Variants in TENM1 observed in about 807,000 individuals in gnomAD.
The protein encoded by TENM1 is teneurin-1.
TENM1 carries 35 observed loss-of-function variants against 174.8 expected under a neutral mutation model. The observed-to-expected ratio is 0.20, with a 90% CI of 0.15 to 0.27. The LOEUF (loss-of-function observed/expected upper bound fraction) is 0.27, where lower values mean the gene tolerates loss of function less well. Among genes scored for constraint, TENM1 ranks in the 10% least tolerant of loss-of-function variants. TENM1 has a pLI of 1.00. For missense variants in TENM1, 1,633 were observed against 2,130.1 expected, an observed-to-expected ratio of 0.77 and a Z score of 4.59; for synonymous variants, 781 against 798.7, an observed-to-expected ratio of 0.98 and a Z score of 0.37.
At chrX:124,467,609 C>T (rs2061253381) in intron 22 of TENM1, among the ~76,000 whole-genome samples, 1 of 111,979 alleles carries the variant, frequency 8.9e-6, no homozygotes, top group Non-Finnish European at 1.9e-5. Flanking sequence ...ATGTTGGTAC[C>T]TGTGCGTTAC....
the TENM1 span, among the ~76,000 whole-genome samples, chrX:125,068,061 T>G: frequency 1.8e-5 from 2 of 111,796 alleles, no homozygotes; most frequent in Non-Finnish European, 3.8e-5. Context: ...GACAAACTAA[T>G]AATAAGCCAC....
rs1046572951 is a variant in TENM1 at position 124,422,648 on chromosome X, G to A, written c.4105-10C>T. 33 of 1,198,471 alleles carry A rather than the reference G, an allele frequency of 2.8e-5. No individual in the cohort carries two copies. Among genetic ancestry groups the A allele is most frequent in the Non-Finnish European group, 3.0e-5 (27 of 887,700 alleles). On this transcript the variant is annotated splice_polypyrimidine_tract_variant and intron_variant, in intron 23 of 31. Coordinates refer to ENST00000422452, the Ensembl canonical transcript of TENM1. ...GCCACTCTAATCGCACCTGTGAAAC[G>A]AACAGAACACATACCATTAGGTTAC...
At chrX:124,529,404 G>A (rs1417379563) in intron 16 of TENM1, among the ~76,000 whole-genome samples, 1 of 111,707 alleles carries the variant, frequency 9.0e-6, no homozygotes, top group Non-Finnish European at 1.9e-5. Context: ...TCTATCAGTT[G>A]CAGCCAATAG....
the TENM1 span, among the ~76,000 whole-genome samples, chrX:125,080,266 T>C: frequency 8.9e-6 from 1 of 111,812 alleles, no homozygotes; most frequent in African/African-American, 3.2e-5. Context: ...TTTCAAAGTA[T>C]AGAATGCCTG....
At chrX:124,429,767 G>A (rs2060757371) in intron 23 of TENM1, among the ~76,000 whole-genome samples, 1 of 111,762 alleles carries the variant, frequency 8.9e-6, no homozygotes, top group African/African-American at 3.3e-5. Flanking sequence ...GTCAGGTGGT[G>A]CCAGTCCTGT....
intron 6 of TENM1, among the ~76,000 whole-genome samples, chrX:124,656,040 T>C (rs1056139975): frequency 8.9e-6 from 1 of 112,429 alleles, no homozygotes; most frequent in Admixed American, 9.4e-5. Context: ...CATTAGGGGC[T>C]TTTATCAATC....
rs916105649 is a variant in TENM1 at position 124,822,135 on chromosome X, C to T, written c.535+72161G>A. 2.7e-5 allele frequency among the ~76,000 whole-genome samples: 3 copies of T among 112,400 alleles called. No homozygotes were observed. In the Admixed American group the frequency reaches 2.8e-4, roughly 11 times the overall value. On this transcript the variant is annotated intron_variant, in intron 3 of 31. Transcript: ENST00000422452. ...GTGCTCACCAATGGAAGCCTTAACA[C>T]ATCACAAGTATACTCCTAACACTTT...
At chrX:124,994,973 CCT>C in the TENM1 span, among the ~76,000 whole-genome samples, 1 of 110,913 alleles carries the variant, frequency 9.0e-6, no homozygotes, top group East Asian at 2.8e-4. Flanking sequence ...CAATCTAGCC[CCT>C]GTTGATGCCT....
At chrX:124,755,931 T>C (rs1178461169) in intron 3 of TENM1, among the ~76,000 whole-genome samples, 2 of 103,210 alleles carry the variant, frequency 1.9e-5, no homozygotes, top group African/African-American at 8.0e-5. Context: ...ATTTTTTCCT[T>C]CATTTCAACT....
At chrX:125,101,928 A>G in the TENM1 span, among the ~76,000 whole-genome samples, 1 of 112,055 alleles carries the variant, frequency 8.9e-6, no homozygotes, top group African/African-American at 3.3e-5. Context: ...TAAGCAGTGC[A>G]GGTTGTAAGC....
chrX:124,986,744 C>T, the TENM1 span, among the ~76,000 whole-genome samples: 1 of 111,107 alleles, frequency 9.0e-6, no homozygotes, highest in African/African-American at 3.3e-5. Context: ...CGGGTCCAAG[C>T]AATTCTCCTG....
rs185295140 is a variant in TENM1, at chrX:124,870,845, T to C, written c.535+23451A>G. 8.1e-5 allele frequency among the ~76,000 whole-genome samples: 9 copies of C among 111,638 alleles called. No homozygotes were observed. In the East Asian group the frequency reaches 2.5e-3, roughly 31 times the overall value. On this transcript the variant is annotated intron_variant, in intron 3 of 31. Coordinates refer to ENST00000422452, the Ensembl canonical transcript of TENM1. ...GCAGAGTCGACTCATATATTTTGTC[T>C]ACTCTTTTATTATTTTTAAATAATT... is the stretch of plus-strand genomic sequence containing the variant.
At chrX:124,476,257 T>C (rs1476223594) in intron 22 of TENM1, among the ~76,000 whole-genome samples, 3 of 112,055 alleles carry the variant, frequency 2.7e-5, no homozygotes, top group African/African-American at 9.7e-5. Context: ...CACAATAGCA[T>C]GCAGATGCCA....
the TENM1 span, among the ~76,000 whole-genome samples, chrX:125,105,983 C>A: frequency 8.9e-6 from 1 of 111,982 alleles, no homozygotes; most frequent in East Asian, 2.8e-4. Flanking sequence ...CAATGGCTTT[C>A]TTTCTGTTCC....
intron 11 of TENM1, among the ~76,000 whole-genome samples, chrX:124,599,174 T>C (rs1157742398): frequency 9.0e-6 from 1 of 111,363 alleles, no homozygotes; most frequent in Non-Finnish European, 1.9e-5. Flanking sequence ...TTTTATGAAG[T>C]AGAATTACAA....
chrX:125,049,907 G>A, the TENM1 span, among the ~76,000 whole-genome samples: 20 of 109,253 alleles, frequency 1.8e-4, no homozygotes, highest in African/African-American at 6.7e-4. Flanking sequence ...ATATATTCTG[G>A]ATATGACTCT....
chrX:124,546,734 T>A, intron 15 of TENM1, 140 bp downstream of exon 18: 1 of 520,912 alleles, frequency 1.9e-6, no homozygotes, highest in Non-Finnish European at 3.1e-6. Context: ...GGTTTTGGCT[T>A]TCCAGAGAAG....
Position 124,616,785 on chromosome X carries a change from G to A in TENM1, c.2077+25006C>T, listed in dbSNP as rs547306328. 2.7e-5 allele frequency among the ~76,000 whole-genome samples: 3 copies of A among 111,745 alleles called. 1 individual carries two copies. In the South Asian group the frequency reaches 1.1e-3, roughly 42 times the overall value. On this transcript the variant is annotated intron_variant, in intron 11 of 31. Coordinates refer to ENST00000422452, the Ensembl canonical transcript of TENM1. The stretch of plus-strand genomic sequence containing the variant: ...AGTATTTTGTAAATAGCTATAGAAT[G>A]GATCAGTGGAAGACCTTACATAGAA...
intron 3 of TENM1, among the ~76,000 whole-genome samples, chrX:124,798,560 T>C (rs1338573689): frequency 8.9e-6 from 1 of 111,835 alleles, no homozygotes; most frequent in African/African-American, 3.3e-5. Context: ...ATAAATTTCT[T>C]TATGTTCCTT....
Sources: gnomAD v4.1 joint callset for allele counts (sites outside exome capture counted in the v4.1 genomes callset) on GRCh38, gnomAD v4.1.1 for gene constraint, MANE v1.5 for transcripts, NCBI Gene and HGNC (gene_info 2026-07-23, HGNC 2026-07-21) for gene names.